The following FAM156A variants were observed in gnomAD, a reference collection of about 807,000 sequenced individuals.
The protein encoded by FAM156A is family with sequence similarity 156 member A.
chrX:52,990,821 G>GAAAAA, intron 1 of FAM156A, among the ~76,000 whole-genome samples: 1 of 105,143 alleles, frequency 9.5e-6, no homozygotes, highest in African/African-American at 3.5e-5. Flanking sequence ...GAAAAGAAAA[G>GAAAAA]AAAAGAAAAG....
intron 1 of FAM156A, among the ~76,000 whole-genome samples, chrX:52,992,892 A>ACTGG (rs1930884389): frequency 1.8e-5 from 2 of 111,442 alleles, no homozygotes; most frequent in African/African-American, 6.5e-5. Context: ...AATAATTTCT[A>ACTGG]CTGGCTGGCT....
At chrX:52,975,457 A>G (rs1929393592) in intron 1 of FAM156A, among the ~76,000 whole-genome samples, 1 of 111,561 alleles carries the variant, frequency 9.0e-6, no homozygotes, top group Non-Finnish European at 1.9e-5. Flanking sequence ...AGGAAACAGA[A>G]GCTTAGCCAC....
At position 52,974,184 on chromosome X, in the gene FAM156A, C is replaced by T. The variant is rs782537342; in HGVS notation, c.-433-9949G>A. On this transcript the variant is annotated intron_variant, in intron 1 of 4. Coordinates refer to the FAM156A transcript ENST00000610625. ...CAAATAGTAACAATGTATTGTGGGG[C>T]TCTGACATAGGTAGACATATAATGT... is the stretch of plus-strand genomic sequence containing the variant. Among the ~76,000 whole-genome samples, 4 of 111,634 alleles carry T rather than the reference C, an allele frequency of 3.6e-5. No homozygotes were observed. The East Asian group carries it at 8.4e-4, about 23-fold the overall frequency.
chrX:52,977,845 A>AT (rs1162516619), intron 1 of FAM156A, among the ~76,000 whole-genome samples: 2 of 112,317 alleles, frequency 1.8e-5, no homozygotes, highest in Non-Finnish European at 3.8e-5. Flanking sequence ...TAACAGCTTC[A>AT]TATCTCCATC....
chrX:52,978,179 G>A (rs953557417), intron 1 of FAM156A, among the ~76,000 whole-genome samples: 1 of 111,319 alleles, frequency 9.0e-6, no homozygotes, highest in Non-Finnish European at 1.9e-5. Context: ...TATTCATTAT[G>A]CTAATAAAAT....
At chrX:52,990,271 A>T (rs1556795211) in intron 1 of FAM156A, among the ~76,000 whole-genome samples, 1 of 111,907 alleles carries the variant, frequency 8.9e-6, no homozygotes, top group African/African-American at 3.3e-5. Flanking sequence ...CTGTGCCTGG[A>T]GACACCAAGA....
At chrX:52,984,899 A>C (rs1242301280) in intron 1 of FAM156A, among the ~76,000 whole-genome samples, 5 of 110,552 alleles carry the variant, frequency 4.5e-5, no homozygotes, top group African/African-American at 1.3e-4. Context: ...AAAAAAAAAA[A>C]CACAAAAGCA....
At chrX:52,979,181 G>C (rs1233913627) in intron 1 of FAM156A, among the ~76,000 whole-genome samples, 2 of 111,842 alleles carry the variant, frequency 1.8e-5, no homozygotes, top group Non-Finnish European at 3.8e-5. Flanking sequence ...GTAGGGCAGA[G>C]GGACTTTTGA....
At chrX:52,977,332 C>T (rs782249095) in intron 1 of FAM156A, among the ~76,000 whole-genome samples, 76 of 110,236 alleles carry the variant, frequency 6.9e-4, no homozygotes, top group Non-Finnish European at 1.3e-3. Context: ...CACTCTCTTC[C>T]CCCATTGCCC....
rs12688316 is a variant in FAM156A, at chrX:52,974,940, G to A, written c.-433-10705C>T. Among the ~76,000 whole-genome samples, 489 of 110,322 alleles carry A rather than the reference G, an allele frequency of 4.4e-3. 3 individuals are homozygous for A. Among genetic ancestry groups the A allele is most frequent in the African/African-American group, 0.015 (467 of 30,310 alleles). ...TCCTCCCATAGTTAGCTTGGCCTAC[G>A]TGCGGGAATGAGCAAAGGCAGTTAG... On this transcript the variant is annotated intron_variant, in intron 1 of 4. Coordinates refer to the FAM156A transcript ENST00000610625.
At chrX:52,993,842 C>T (rs782448589) in intron 1 of FAM156A, among the ~76,000 whole-genome samples, 1 of 111,876 alleles carries the variant, frequency 8.9e-6, no homozygotes, top group East Asian at 2.8e-4. Flanking sequence ...GAACAGTACT[C>T]AAATATACAG....
At chrX:52,980,346 T>C (rs1314896377) in intron 1 of FAM156A, among the ~76,000 whole-genome samples, 1 of 111,953 alleles carries the variant, frequency 8.9e-6, no homozygotes, top group African/African-American at 3.2e-5. Context: ...AAGCTGTTAG[T>C]TGATGGGGAA....
chrX:52,975,487 T>C lies in FAM156A; in HGVS notation c.-433-11252A>G, dbSNP rs782432240. 1.1e-4 allele frequency among the ~76,000 whole-genome samples: 12 copies of C among 111,799 alleles called. No individual in the cohort carries two copies. In the South Asian group the frequency reaches 2.2e-3, roughly 21 times the overall value. ...AGCCACTTGTGCACTAGTAATGTAATAGATCACACTGGCATTCACTCCCCC... is the reference window on the plus strand; with the variant it reads ...AGCCACTTGTGCACTAGTAATGTAACAGATCACACTGGCATTCACTCCCCC... On this transcript the variant is annotated intron_variant, in intron 1 of 4. Transcript: ENST00000610625.
intron 1 of FAM156A, among the ~76,000 whole-genome samples, chrX:52,995,154 C>T (rs782316064): frequency 8.9e-6 from 1 of 112,158 alleles, no homozygotes; most frequent in East Asian, 2.8e-4. Context: ...AACTGCTTCA[C>T]CCGCATTACT....
At chrX:52,989,648 T>C (rs1439323102) in intron 1 of FAM156A, among the ~76,000 whole-genome samples, 1 of 112,447 alleles carries the variant, frequency 8.9e-6, no homozygotes, top group African/African-American at 3.2e-5. Flanking sequence ...CCTCCTCTTC[T>C]GAGGGATCCT....
chrX:52,982,476 T>C (rs1929981988), intron 1 of FAM156A, among the ~76,000 whole-genome samples: 1 of 111,259 alleles, frequency 9.0e-6, no homozygotes, highest in Non-Finnish European at 1.9e-5. Context: ...ATAAATAATT[T>C]TAAAAAAGAA....
At chrX:52,990,874 AAGG>A (rs1374803315) in intron 1 of FAM156A, among the ~76,000 whole-genome samples, 2 of 107,021 alleles carry the variant, frequency 1.9e-5, no homozygotes, top group African/African-American at 3.4e-5. Context: ...CCCTGGTCAG[AAGG>A]AGGAGGAGGA....
intron 1 of FAM156A, among the ~76,000 whole-genome samples, chrX:52,973,263 C>CA (rs1222400775): frequency 8.4e-4 from 87 of 104,048 alleles, no homozygotes; most frequent in Middle Eastern, 4.8e-3. Context: ...ATAGCTGCTG[C>CA]AAAAAAAAAG....
intron 1 of FAM156A, among the ~76,000 whole-genome samples, chrX:52,979,498 G>A (rs991620683): frequency 1.8e-5 from 2 of 110,981 alleles, no homozygotes; most frequent in Non-Finnish European, 3.8e-5. Context: ...CACCTAAGGA[G>A]TTCGTCTCCC....
Sources: gnomAD v4.1 joint callset for allele counts (sites outside exome capture counted in the v4.1 genomes callset) on GRCh38, gnomAD v4.1.1 for gene constraint, MANE v1.5 for transcripts, NCBI Gene and HGNC (gene_info 2026-07-23, HGNC 2026-07-21) for gene names.